Variants in ARHGAP23 observed in about 807,000 individuals in gnomAD.
ARHGAP23 encodes rho GTPase-activating protein 23.
A neutral mutation model predicts 136.3 loss-of-function variants in ARHGAP23; 34 were observed. That is an observed-to-expected ratio of 0.25 (90% CI 0.19 to 0.33). ARHGAP23 has a LOEUF of 0.33. Ranked by LOEUF, ARHGAP23 falls within the 10% of genes least tolerant of loss-of-function variation. The pLI, the probability that ARHGAP23 is intolerant of heterozygous loss-of-function variation, is 1.00. For missense variants in ARHGAP23, 1,808 were observed against 2,139.0 expected, an observed-to-expected ratio of 0.85 and a Z score of 3.05; for synonymous variants, 832 against 920.5, an observed-to-expected ratio of 0.90 and a Z score of 1.74.
chr17:38,469,128 C>G lies in ARHGAP23; in HGVS notation c.1649-16C>G. ...CTGTCTGCTGCCTTCACACCTTTCT[C>G]CTTCCACATGCATAGATGAGCCCAC... On this transcript the variant is annotated splice_polypyrimidine_tract_variant and intron_variant, in intron 7 of 23. Coordinates refer to ENST00000622683, the MANE Select transcript of ARHGAP23 (RefSeq NM_001199417.2). 6.5e-7 allele frequency: 1 copy of G among 1,541,606 alleles called. No individual in the cohort carries two copies.
chr17:38,426,572 A>AAAAAAAAAAAAAAAAAAAAAG (rs1567767218), upstream of ARHGAP23, among the ~76,000 whole-genome samples: 1 of 149,280 alleles, frequency 6.7e-6, no homozygotes, highest in African/African-American at 2.5e-5. Flanking sequence ...AAAAAAAAAA[A>AAAAAAAAAAAAAAAAAAAAAG]TCCAGGCAGT....
chr17:38,481,975 C>T lies in ARHGAP23; in HGVS notation c.2630-47C>T, dbSNP rs1234574419. ...GAATGTGGCAGTGAATGTGTGTGAC[C>T]CTCCTGGATACCCCAGCTCACTCTG... On this transcript the variant is annotated intron_variant, in intron 14 of 23. Coordinates refer to ENST00000622683, the MANE Select transcript of ARHGAP23 (RefSeq NM_001199417.2). 4.8e-6 allele frequency: 7 copies of T among 1,470,420 alleles called. No homozygotes were observed. In the South Asian group the frequency reaches 8.5e-5, roughly 18 times the overall value. The allele number at this position is 1,470,420 out of a possible 1,614,324, so 91.1% of individuals were successfully genotyped here. A position where few individuals can be genotyped will look rare whatever the true frequency, so the allele number is the denominator to read the frequency against.
At chr17:38,437,373 G>T (rs1042927898) in intron 1 of ARHGAP23, among the ~76,000 whole-genome samples, 58 of 152,198 alleles carry the variant, frequency 3.8e-4, no homozygotes, top group African/African-American at 1.3e-3. Context: ...TGATCCTCCT[G>T]CCTTGGTCTC....
At chr17:38,465,135 G>A (rs980532099) in intron 6 of ARHGAP23, among the ~76,000 whole-genome samples, 1 of 152,134 alleles carries the variant, frequency 6.6e-6, no homozygotes, top group East Asian at 1.9e-4. Context: ...TGCCGCCGCC[G>A]TGATGATGCC....
At chr17:38,426,988 C>T (rs772511437), upstream of ARHGAP23, among the ~76,000 whole-genome samples, 2 of 152,204 alleles carry the variant, frequency 1.3e-5, no homozygotes, top group Non-Finnish European at 2.9e-5. Flanking sequence ...CTTTCACTGC[C>T]TCCTCTCTCC....
intron 1 of ARHGAP23, among the ~76,000 whole-genome samples, chr17:38,450,036 C>T (rs1402511654): frequency 6.6e-6 from 1 of 152,174 alleles, no homozygotes; most frequent in Non-Finnish European, 1.5e-5. Context: ...TGAGGGATAG[C>T]CTGGGAGGTG....
At chr17:38,445,231 C>T (rs1001090192) in intron 1 of ARHGAP23, among the ~76,000 whole-genome samples, 4 of 149,924 alleles carry the variant, frequency 2.7e-5, no homozygotes, top group Non-Finnish European at 4.4e-5. Flanking sequence ...CTTTGGGAAG[C>T]CGAGGTGGGC....
At chr17:38,455,526 C>T (rs2039302646) in intron 1 of ARHGAP23, among the ~76,000 whole-genome samples, 1 of 152,176 alleles carries the variant, frequency 6.6e-6, no homozygotes, top group Admixed American at 6.5e-5. Flanking sequence ...GCTGGCAGCT[C>T]CAGGCAGGAT....
intron 11 of ARHGAP23, among the ~76,000 whole-genome samples, chr17:38,473,994 C>T (rs2039828738): frequency 1.3e-5 from 2 of 152,144 alleles, no homozygotes; most frequent in Admixed American, 1.3e-4. Flanking sequence ...GATCTCAGCT[C>T]ACTGCAACCT....
At chr17:38,509,156 G>A (rs2040699477) in intron 23 of ARHGAP23, among the ~76,000 whole-genome samples, 1 of 152,078 alleles carries the variant, frequency 6.6e-6, no homozygotes, top group African/African-American at 2.4e-5. Flanking sequence ...GCCCTCCTGG[G>A]AAAGTGTGAA....
At chr17:38,449,246 G>A (rs7503524) in intron 1 of ARHGAP23, among the ~76,000 whole-genome samples, 37,766 of 152,152 alleles carry the variant, frequency 0.25, 5,304 homozygotes, top group South Asian at 0.37. Context: ...CTAGTTTGAG[G>A]GAGAGGGAGC....
At chr17:38,482,709 G>T (rs751506175) in intron 16 of ARHGAP23, 31 bp downstream of exon 16, 1 of 1,529,868 alleles carries the variant, frequency 6.5e-7, no homozygotes, top group Middle Eastern at 2.3e-4. Context: ...TGTGGAAGAG[G>T]GGCTGAGATG....
chr17:38,490,094 T>G lies in ARHGAP23; in HGVS notation c.2987-8T>G. On this transcript the variant is annotated splice_polypyrimidine_tract_variant and splice_region_variant and intron_variant, in intron 17 of 23. Transcript: ENST00000622683. ...CCACCTCTCTAAAGAGTCTCCGCTG[T>G]GTTCTAGACAAATACAACGACTTCA... 6.4e-7 allele frequency: 1 copy of G among 1,551,582 alleles called. No homozygotes were observed. Among genetic ancestry groups the G allele is most frequent in the Non-Finnish European group, 8.7e-7 (1 of 1,146,776 alleles).
Position 38,428,567 on chromosome 17 carries a change from G to A in ARHGAP23, c.63+19G>A. On this transcript the variant is annotated intron_variant, in intron 1 of 23. Coordinates refer to ENST00000622683, the MANE Select transcript of ARHGAP23 (RefSeq NM_001199417.2). ...CCCACAGGTGAGGGTGCTGGGCCAG[G>A]GAAGTGGGCGGGGCCGGTAGCTGCT... The A allele has an allele frequency of 7.1e-7, 1 of 1,402,698 alleles. No individual in the cohort carries two copies. Among genetic ancestry groups the A allele is most frequent in the Non-Finnish European group, 9.3e-7 (1 of 1,077,852 alleles). The allele number at this position is 1,402,698 out of a possible 1,614,324, so 86.9% of individuals were successfully genotyped here.
intron 17 of ARHGAP23, among the ~76,000 whole-genome samples, chr17:38,487,303 T>G (rs2040181578): frequency 6.6e-6 from 1 of 152,246 alleles, no homozygotes; most frequent in African/African-American, 2.4e-5. Flanking sequence ...CTTTAAGTAC[T>G]CCTCTATTGA....
At chr17:38,451,331 G>GC (rs1408105897) in intron 1 of ARHGAP23, 4 of 152,272 alleles carry the variant, frequency 2.6e-5, no homozygotes, top group Admixed American at 2.0e-4. Context: ...TTGCTCCCCT[G>GC]CCAGGTTAGA....
At chr17:38,488,582 C>G (rs1350905587) in intron 17 of ARHGAP23, among the ~76,000 whole-genome samples, 1 of 152,210 alleles carries the variant, frequency 6.6e-6, no homozygotes, top group Non-Finnish European at 1.5e-5. Context: ...GAGTTTCACT[C>G]TTGTCGCCCA....
upstream of ARHGAP23, among the ~76,000 whole-genome samples, chr17:38,427,367 A>G (rs2038585442): frequency 6.6e-6 from 1 of 151,682 alleles, no homozygotes; most frequent in Non-Finnish European, 1.5e-5. Flanking sequence ...GGGGAGGCTG[A>G]GGTGGGAGGA....
At chr17:38,496,970 T>C (rs1480257011) in intron 20 of ARHGAP23, among the ~76,000 whole-genome samples, 1 of 150,700 alleles carries the variant, frequency 6.6e-6, no homozygotes. Flanking sequence ...AAAAAAAGAA[T>C]AGCTTTATTT....
Sources: allele counts gnomAD v4.1 joint callset (sites outside exome capture counted in the v4.1 genomes callset), GRCh38; gene constraint gnomAD v4.1.1; transcripts MANE v1.5; gene names NCBI Gene and HGNC (gene_info 2026-07-23, HGNC 2026-07-21).